UNC13A: variants seen among roughly 807,000 people sequenced by gnomAD.
The protein encoded by UNC13A is unc-13 homolog A.
A neutral mutation model predicts 219.7 loss-of-function variants in UNC13A; 61 were observed. The ratio of observed to expected loss-of-function variants is 0.28; its 90% CI spans 0.23 to 0.34. UNC13A has a LOEUF of 0.34. Among genes scored for constraint, UNC13A ranks in the 10% least tolerant of loss-of-function variants. The pLI is 1.00. For missense variants in UNC13A, 1,476 were observed against 2,270.3 expected, an observed-to-expected ratio of 0.65 and a Z score of 7.11; for synonymous variants, 920 against 884.6, an observed-to-expected ratio of 1.04 and a Z score of -0.71.
intron 21 of UNC13A, among the ~76,000 whole-genome samples, 158 bp downstream of exon 21, chr19:17,641,235 C>T (rs1380937742): frequency 6.6e-6 from 1 of 152,100 alleles, no homozygotes; most frequent in Non-Finnish European, 1.5e-5. Context: ...GTGTCAATCA[C>T]AGCGCTCTCC....
rs1329647811 is a variant in UNC13A, at chr19:17,642,802, G to T, written c.2472+43C>A. ...AGGAAGAGCTGGGCAGGCAGGAATG[G>T]TGAGTGGAAGTGGCATGGGAGGGGC... On this transcript the variant is annotated intron_variant, in intron 20 of 43. Transcript: ENST00000519716. 5.3e-6 allele frequency: 8 copies of T among 1,511,246 alleles called. No homozygotes were observed. In the Admixed American group the frequency reaches 5.7e-5, roughly 11 times the overall value. The allele number at this position is 1,511,246 out of a possible 1,614,324, so 93.6% of individuals were successfully genotyped here. A position where few individuals can be genotyped will look rare whatever the true frequency, so the allele number is the denominator to read the frequency against.
chr19:17,669,487 G>C, intron 5 of UNC13A, 66 bp downstream of exon 5: 3 of 1,579,514 alleles, frequency 1.9e-6, no homozygotes, highest in Non-Finnish European at 2.6e-6. Context: ...TCACTCTCCT[G>C]GAATAGCTGA....
intron 41 of UNC13A, among the ~76,000 whole-genome samples, chr19:17,614,810 T>C (rs2076644768): frequency 6.6e-6 from 1 of 151,882 alleles, no homozygotes; most frequent in African/African-American, 2.4e-5. Context: ...CCGCCACCAG[T>C]CACATGCTCA....
intron 5 of UNC13A, among the ~76,000 whole-genome samples, chr19:17,669,212 C>T (rs1218665108): frequency 6.6e-6 from 1 of 152,182 alleles, no homozygotes; most frequent in African/African-American, 2.4e-5. Context: ...CTCTTTGTCT[C>T]TCTGTCTCTG....
intron 21 of UNC13A, 54 bp downstream of exon 21, chr19:17,641,339 G>C: frequency 6.3e-7 from 1 of 1,592,368 alleles, no homozygotes; most frequent in Non-Finnish European, 8.6e-7. Flanking sequence ...AGACCTGCCA[G>C]TGCCCACTTG....
intron 1 of UNC13A, among the ~76,000 whole-genome samples, chr19:17,676,824 G>A (rs866547125): frequency 6.6e-6 from 1 of 152,094 alleles, no homozygotes; most frequent in Admixed American, 6.6e-5. Flanking sequence ...GACCAGCCTG[G>A]CCAACATGGT....
At chr19:17,688,100 C>T (rs1035590711) in intron 1 of UNC13A, 78 bp downstream of exon 1, 165 of 1,495,894 alleles carry the variant, frequency 1.1e-4, no homozygotes, top group Middle Eastern at 2.4e-4. Context: ...CAGGAACCCC[C>T]TGGGAGCCGC....
rs555595228 is a variant in UNC13A, at chr19:17,629,168, G to A, written c.3753+72C>T. The A allele has an allele frequency of 9.5e-6, 13 of 1,364,970 alleles. No individual in the cohort carries two copies. In the South Asian group the frequency reaches 1.6e-4, roughly 17 times the overall value. The allele number at this position is 1,364,970 out of a possible 1,614,324, so 84.6% of individuals were successfully genotyped here. ...ACATAGCCCCAGGTGTCAGGGCCCT[G>A]GGGAGAAGGGAGTCCTGGGGATGCT... On this transcript the variant is annotated intron_variant, in intron 31 of 43. Coordinates refer to ENST00000519716, the MANE Select transcript of UNC13A (RefSeq NM_001080421.3).
chr19:17,680,084 G>C (rs773706593), intron 1 of UNC13A, among the ~76,000 whole-genome samples: 3 of 151,796 alleles, frequency 2.0e-5, no homozygotes, highest in African/African-American at 7.3e-5. Context: ...CGAGAGTGGC[G>C]AGGGGGTTCT....
intron 11 of UNC13A, 88 bp downstream of exon 11, chr19:17,655,186 G>T (rs1440901886): frequency 4.6e-6 from 5 of 1,084,406 alleles, no homozygotes; most frequent in Non-Finnish European, 6.8e-6. Context: ...GCCAATATAG[G>T]TGTGGGTGTG....
rs777063829 is a variant in UNC13A at position 17,647,344 on chromosome 19, C to T, written c.1965G>A (p.Ala655=). 10 of 1,612,846 alleles carry T rather than the reference C, an allele frequency of 6.2e-6. No individual in the cohort carries two copies. In the Admixed American group the frequency reaches 1.0e-4, roughly 16 times the overall value. The stretch of plus-strand genomic sequence containing the variant: ...TGACCGCCTTCATCTGCTGCGTGTG[C>T]GCCGTCTTGGTCACCGCGAAGATCT... ...IQEIFAVTKT[A]HTQQMKAVKQ... Residue 655 remains alanine (A), a synonymous_variant, in exon 17 of 44, where the codon GCG becomes GCA. Transcript: ENST00000519716.
chr19:17,649,225 A>T lies in UNC13A; in HGVS notation c.1524+114T>A. On this transcript the variant is annotated intron_variant, in intron 14 of 43. Transcript: ENST00000519716. The surrounding 1 kb of genome is among the most constrained non-coding windows in gnomAD (Gnocchi z 4.4). ...GCACCCCTGACTCACAGCATCCAAC[A>T]CAGTGGGACATGGCAAGGTTCCCCC... 1.3e-6 allele frequency: 2 copies of T among 1,499,050 alleles called. No individual in the cohort carries two copies. The highest frequency in any genetic ancestry group is 1.8e-6 in the Non-Finnish European group (2 of 1,113,262). The allele number at this position is 1,499,050 out of a possible 1,614,324, so 92.9% of individuals were successfully genotyped here.
intron 4 of UNC13A, among the ~76,000 whole-genome samples, chr19:17,671,820 A>G (rs2079793973): frequency 1.3e-5 from 2 of 152,162 alleles, no homozygotes; most frequent in Admixed American, 6.6e-5. Flanking sequence ...CTACCTGCTG[A>G]CAATGATGCA....
chr19:17,639,425 T>A lies in UNC13A; in HGVS notation c.2946+11A>T, dbSNP rs1384403247. The stretch of plus-strand genomic sequence containing the variant: ...TCCTTGGAGAGCAAAGGCAACTGGA[T>A]CCTTTCCTACCTTCATCCGAAAGAA... On this transcript the variant is annotated intron_variant, in intron 24 of 43. Coordinates refer to ENST00000519716, the MANE Select transcript of UNC13A (RefSeq NM_001080421.3). The A allele has an allele frequency of 1.2e-6, 2 of 1,610,222 alleles. No individual in the cohort carries two copies. Among genetic ancestry groups the A allele is most frequent in the Admixed American group, 3.4e-5 (2 of 59,374 alleles).
At chr19:17,655,565 A>G (rs878986160) in intron 10 of UNC13A, among the ~76,000 whole-genome samples, 183 bp from the exon 11 acceptor site, 1 of 151,638 alleles carries the variant, frequency 6.6e-6, no homozygotes, top group South Asian at 2.1e-4. Flanking sequence ...CACACACCCA[A>G]TGCTTCTGTG....
intron 11 of UNC13A, among the ~76,000 whole-genome samples, chr19:17,654,133 T>G (rs961367267): frequency 6.6e-6 from 1 of 152,158 alleles, no homozygotes; most frequent in Non-Finnish European, 1.5e-5. Flanking sequence ...GGCCATCACT[T>G]CTCCTTAAGT....
rs1568503049 is a variant in UNC13A at position 17,617,764 on chromosome 19, G to A, written c.4496C>T (p.Ser1499Leu). The change falls in exon 41 of 44, where the codon TCG becomes TTG. Residue 1499 changes from serine (S) to leucine (L), a missense_variant. Ser to Leu is a moderately radical substitution (Grantham distance 145, BLOSUM62 -2). Around this residue, in one of 14 missense-constraint regions of UNC13A, gnomAD observed 77 missense variants for 94.8 expected, o/e 0.81. Transcript: ENST00000519716. ...PDLQSLRYAL[S>L]LYTQATDLLI... ...CAGGTCGGTGGCCTGCGTGTAGAGC[G>A]ACAGGGCATAGCGCAAGGATTGCAG... 6.2e-7 allele frequency: 1 copy of A among 1,611,902 alleles called. No individual in the cohort carries two copies. Among genetic ancestry groups the A allele is most frequent in the Admixed American group, 1.7e-5 (1 of 59,848 alleles).
rs1432145778 is a variant in UNC13A at position 17,688,297 on chromosome 19, C to A, written c.-98G>T. ...TGGGGCATCTCCCGGCTGCAGCCCGCGCTTGGCTCACGCCGGGGCCCGGCC... is the reference window on the plus strand; with the variant it reads ...TGGGGCATCTCCCGGCTGCAGCCCGAGCTTGGCTCACGCCGGGGCCCGGCC... On this transcript the variant is annotated 5_prime_UTR_variant, in exon 1 of 44. Coordinates refer to ENST00000519716, the MANE Select transcript of UNC13A (RefSeq NM_001080421.3). 1 of 1,348,072 alleles carries A rather than the reference C, an allele frequency of 7.4e-7. No homozygotes were observed. Among genetic ancestry groups the A allele is most frequent in the Non-Finnish European group, 9.5e-7 (1 of 1,050,014 alleles). The allele number at this position is 1,348,072 out of a possible 1,614,324, so 83.5% of individuals were successfully genotyped here. A position where few individuals can be genotyped will look rare whatever the true frequency, so the allele number is the denominator to read the frequency against.
chr19:17,672,621 A>AGGT (rs1395260410), intron 3 of UNC13A, 126 bp from the exon 4 acceptor site: 4 of 674,334 alleles, frequency 5.9e-6, no homozygotes, highest in Non-Finnish European at 9.9e-6. Flanking sequence ...GGAGTGTCCT[A>AGGT]GGTGGTAGGG....
Sources: gnomAD v4.1 joint callset for allele counts (sites outside exome capture counted in the v4.1 genomes callset) on GRCh38, gnomAD v4.1.1 for gene constraint, gnomAD v4.1.1 regional missense constraint, Gnocchi (gnomAD v3.1) non-coding constraint, MANE v1.5 for transcripts, NCBI Gene and HGNC (gene_info 2026-07-23, HGNC 2026-07-21) for gene names.